The following TANC1 variants were observed in gnomAD, a reference collection of about 807,000 sequenced individuals.
TANC1 encodes tetratricopeptide repeat, ankyrin repeat and coiled-coil containing 1, also known as protein TANC1.
Under a neutral mutation model 149.7 loss-of-function variants are expected in TANC1, and 77 were observed. The ratio of observed to expected loss-of-function variants is 0.51; its 90% CI spans 0.43 to 0.62. TANC1 has a LOEUF of 0.62. Ranked by LOEUF, TANC1 falls within the 20% of genes least tolerant of loss-of-function variation. The pLI is 0.00. For missense variants in TANC1, 1,985 were observed against 2,321.8 expected, an observed-to-expected ratio of 0.85 and a Z score of 2.98; for synonymous variants, 854 against 925.0, an observed-to-expected ratio of 0.92 and a Z score of 1.39.
intron 2 of TANC1, among the ~76,000 whole-genome samples, chr2:159,029,070 T>C (rs1243051173): frequency 6.6e-6 from 1 of 152,226 alleles, no homozygotes; most frequent in African/African-American, 2.4e-5. Flanking sequence ...TTGACTACTT[T>C]ATATACCTCA....
chr2:159,159,419 AAG>A (rs1168342576), intron 7 of TANC1, among the ~76,000 whole-genome samples: 1 of 150,916 alleles, frequency 6.6e-6, no homozygotes, highest in African/African-American at 2.4e-5. Context: ...CAGCCTGGGC[AAG>A]AGAGTGAGAC....
At chr2:159,178,046 G>T (rs367962773) in intron 13 of TANC1, among the ~76,000 whole-genome samples, 2 of 152,244 alleles carry the variant, frequency 1.3e-5, no homozygotes, top group Non-Finnish European at 2.9e-5. Context: ...ATGCGCTGTC[G>T]TTGAGACACA....
At chr2:158,996,651 T>C (rs1299771253) in intron 1 of TANC1, among the ~76,000 whole-genome samples, 2 of 152,232 alleles carry the variant, frequency 1.3e-5, no homozygotes, top group Non-Finnish European at 2.9e-5. Context: ...CAATTAACTG[T>C]GTTGAATTAC....
At chr2:159,171,415 T>A (rs139617368) in intron 10 of TANC1, among the ~76,000 whole-genome samples, 1 of 152,306 alleles carries the variant, frequency 6.6e-6, no homozygotes, top group Non-Finnish European at 1.5e-5. Context: ...GAGGATCGCT[T>A]GAGCCCAGGA....
chr2:159,085,080 T>C (rs889696753), intron 3 of TANC1, among the ~76,000 whole-genome samples: 1 of 152,216 alleles, frequency 6.6e-6, no homozygotes, highest in Non-Finnish European at 1.5e-5. Context: ...CAAAACCTCA[T>C]GAATGGCTTG....
chr2:159,082,623 T>TA (rs2149798437), intron 3 of TANC1, among the ~76,000 whole-genome samples: 1 of 152,260 alleles, frequency 6.6e-6, no homozygotes, highest in South Asian at 2.1e-4. Flanking sequence ...GCCATGGTAA[T>TA]AGGCATGTCC....
intron 3 of TANC1, among the ~76,000 whole-genome samples, chr2:159,091,342 T>A (rs1373896169): frequency 2.0e-5 from 3 of 152,222 alleles, no homozygotes; most frequent in Non-Finnish European, 4.4e-5. Context: ...AGATTAAGTT[T>A]AAATAATATA....
chr2:159,074,089 C>T (rs1041377958), intron 3 of TANC1, among the ~76,000 whole-genome samples: 2 of 152,150 alleles, frequency 1.3e-5, no homozygotes, highest in South Asian at 2.1e-4. Flanking sequence ...AGAGTTAGAA[C>T]GCAGCATCTG....
At chr2:159,008,697 C>A (rs1559126819) in intron 2 of TANC1, among the ~76,000 whole-genome samples, 1 of 152,142 alleles carries the variant, frequency 6.6e-6, no homozygotes, top group Non-Finnish European at 1.5e-5. Context: ...TCTTTTACTG[C>A]ATATATCAAA....
chr2:159,230,048 G>C lies in TANC1; in HGVS notation c.4622G>C (p.Gly1541Ala). 1 of 1,614,072 alleles carries C rather than the reference G, an allele frequency of 6.2e-7. No homozygotes were observed. The highest frequency in any genetic ancestry group is 8.5e-7 in the Non-Finnish European group (1 of 1,180,046). ...ATCGTGAAAACCAGCCAGCACCTGG[G>C]CTCTGGCCAGTCGGCAGTGAGAAAT... ...AQIVKTSQHL[G>A]SGQSAVRNGS... is the part of the protein sequence containing the mutation. Residue 1541 changes from glycine to alanine, a missense_variant, in exon 27 of 27, where the codon GGC (glycine) becomes GCC (alanine). Physicochemically the swap from Gly to Ala is moderately conservative, Grantham distance 60 (BLOSUM62 0). Around this residue, in one of 3 missense-constraint regions of TANC1, gnomAD observed 920 missense variants for 994.7 expected, o/e 0.92. Transcript: ENST00000263635. The surrounding 1 kb of genome is among the most constrained non-coding windows in gnomAD (Gnocchi z 4.4).
intron 3 of TANC1, among the ~76,000 whole-genome samples, chr2:159,069,249 T>G (rs1166760935): frequency 2.0e-5 from 3 of 152,204 alleles, no homozygotes; most frequent in African/African-American, 7.2e-5. Flanking sequence ...GAGAGCATAT[T>G]CACCTTGTTC....
chr2:159,117,958 GGAGTTTTTCTC>G (rs2048458872), intron 4 of TANC1, among the ~76,000 whole-genome samples: 2 of 149,254 alleles, frequency 1.3e-5, no homozygotes, highest in South Asian at 2.1e-4. Context: ...TTTCTCTACT[GGAGTTTTTCTC>G]TACTGGAATT....
At chr2:158,976,269 G>T (rs1401987712) in intron 1 of TANC1, among the ~76,000 whole-genome samples, 1 of 152,188 alleles carries the variant, frequency 6.6e-6, no homozygotes, top group Non-Finnish European at 1.5e-5. Context: ...ACACTGGTTG[G>T]TATATCTGGT....
At chr2:159,107,339 T>C (rs2047284498) in intron 4 of TANC1, among the ~76,000 whole-genome samples, 1 of 152,232 alleles carries the variant, frequency 6.6e-6, no homozygotes, top group Admixed American at 6.5e-5. Context: ...TTACAGTGTT[T>C]CAAGTACAGC....
chr2:159,194,578 C>CT (rs1400804742), intron 17 of TANC1, 85 bp downstream of exon 17: 1 of 1,205,158 alleles, frequency 8.3e-7, no homozygotes, highest in Non-Finnish European at 1.2e-6. Context: ...GGGCCAGACT[C>CT]TCTTGTCTCT....
intron 1 of TANC1, among the ~76,000 whole-genome samples, chr2:158,981,491 T>TAATATATATA (rs1479047653): frequency 5.8e-5 from 2 of 34,344 alleles, no homozygotes; most frequent in Non-Finnish European, 1.3e-4. Context: ...TATATAGCTT[T>TAATATATATA]TATATATATA....
intron 4 of TANC1, among the ~76,000 whole-genome samples, chr2:159,118,216 T>G (rs1272205743): frequency 6.6e-6 from 1 of 152,158 alleles, no homozygotes; most frequent in Non-Finnish European, 1.5e-5. Flanking sequence ...TCCCTCCCCC[T>G]TCCATATATT....
rs747404121 is a variant in TANC1 at position 159,219,881 on chromosome 2, G to A, written c.3678+14G>A. The A allele has an allele frequency of 6.2e-7, 1 of 1,612,156 alleles. No individual in the cohort carries two copies. The highest frequency in any genetic ancestry group is 8.5e-7 in the Non-Finnish European group (1 of 1,179,852). On this transcript the variant is annotated intron_variant, in intron 22 of 26. Coordinates refer to ENST00000263635, the MANE Select transcript of TANC1 (RefSeq NM_033394.3). ...GATGCCGAGACTGTGAGTACCAGCA[G>A]GTGTTCCCCACCTCCACCTGCATTG...
chr2:158,982,325 C>T lies in TANC1; in HGVS notation c.-126+13543C>T, dbSNP rs1489659851. Among the ~76,000 whole-genome samples, 8 of 151,672 alleles carry T rather than the reference C, an allele frequency of 5.3e-5. No individual in the cohort carries two copies. In the East Asian group the frequency reaches 1.5e-3, roughly 29 times the overall value. On this transcript the variant is annotated intron_variant, in intron 1 of 26. Coordinates refer to ENST00000263635, the MANE Select transcript of TANC1 (RefSeq NM_033394.3). Reference sequence around the variant, plus strand: ...ATATACATATACACTCCTTTTTTCTCCCCTCTTTAAAAAAACACAAACATA... The same window carrying T: ...ATATACATATACACTCCTTTTTTCTTCCCTCTTTAAAAAAACACAAACATA...
Sources: allele counts gnomAD v4.1 joint callset (sites outside exome capture counted in the v4.1 genomes callset), GRCh38; gene constraint gnomAD v4.1.1; regional missense constraint gnomAD v4.1.1; non-coding constraint Gnocchi (gnomAD v3.1); transcripts MANE v1.5; gene names NCBI Gene and HGNC (gene_info 2026-07-23, HGNC 2026-07-21).